The following CNOT4 variants were observed in gnomAD, a reference collection of about 807,000 sequenced individuals.
CNOT4 encodes CCR4-NOT transcription complex subunit 4, also known as CCR4-associated factor 4.
Under a neutral mutation model 73.8 loss-of-function variants are expected in CNOT4, and 8 were observed. The ratio of observed to expected loss-of-function variants is 0.11; its 90% CI spans 0.06 to 0.20. The LOEUF (loss-of-function observed/expected upper bound fraction) is 0.20, where lower values mean the gene tolerates loss of function less well. Among genes scored for constraint, CNOT4 ranks in the 10% least tolerant of loss-of-function variants. The probability of loss-of-function intolerance (pLI) is 1.00; values close to 1 mark genes in which losing one functional copy is unlikely to be tolerated. For synonymous variants in CNOT4, 293 were observed against 321.1 expected, an observed-to-expected ratio of 0.91 and a Z score of 0.94; for missense variants, 564 against 883.4, an observed-to-expected ratio of 0.64 and a Z score of 4.58.
intron 1 of CNOT4, among the ~76,000 whole-genome samples, chr7:135,508,125 G>C (rs1339625792): frequency 6.6e-6 from 1 of 152,170 alleles, no homozygotes; most frequent in African/African-American, 2.4e-5. Context: ...TGCCACATGA[G>C]ACTGTCACTG....
At chr7:135,476,222 T>G (rs994351552) in intron 1 of CNOT4, among the ~76,000 whole-genome samples, 1 of 152,060 alleles carries the variant, frequency 6.6e-6, no homozygotes, top group East Asian at 1.9e-4. Flanking sequence ...TCAACGAAAC[T>G]GGGAGAGAGA....
intron 10 of CNOT4, among the ~76,000 whole-genome samples, chr7:135,392,259 A>G (rs1326251854): frequency 6.6e-6 from 1 of 152,078 alleles, no homozygotes; most frequent in East Asian, 1.9e-4. Flanking sequence ...AGTCTCTTCA[A>G]CTATACTTTA....
chr7:135,367,644 T>C (rs1464279717), intron 10 of CNOT4, among the ~76,000 whole-genome samples: 1 of 152,208 alleles, frequency 6.6e-6, no homozygotes, highest in Non-Finnish European at 1.5e-5. Flanking sequence ...TATTTCTTAC[T>C]GCCAGGAACT....
intron 2 of CNOT4, among the ~76,000 whole-genome samples, chr7:135,423,137 T>C (rs1202280238): frequency 6.6e-6 from 1 of 152,204 alleles, no homozygotes; most frequent in African/African-American, 2.4e-5. Context: ...TTATTACTAC[T>C]AAAAACAAAT....
At chr7:135,458,821 T>C (rs2129486213) in intron 1 of CNOT4, among the ~76,000 whole-genome samples, 1 of 152,124 alleles carries the variant, frequency 6.6e-6, no homozygotes, top group Admixed American at 6.5e-5. Context: ...CTGCAGTTAC[T>C]TCCCACGATG....
intron 1 of CNOT4, among the ~76,000 whole-genome samples, chr7:135,453,799 TA>T (rs936716538): frequency 3.0e-5 from 4 of 134,432 alleles, no homozygotes; most frequent in East Asian, 2.1e-4. Context: ...TTTTTATATA[TA>T]AATATATATA....
chr7:135,372,529 A>G (rs1795266579), intron 10 of CNOT4, among the ~76,000 whole-genome samples: 1 of 151,620 alleles, frequency 6.6e-6, no homozygotes, highest in Admixed American at 6.6e-5. Flanking sequence ...TTTCCCAAAC[A>G]TATAACCCTG....
intron 1 of CNOT4, among the ~76,000 whole-genome samples, chr7:135,487,923 G>A (rs1300281711): frequency 6.6e-6 from 1 of 152,064 alleles, no homozygotes; most frequent in Non-Finnish European, 1.5e-5. Flanking sequence ...CGGGCATGGT[G>A]GCGGGCACCT....
chr7:135,415,182 G>T lies in CNOT4; in HGVS notation c.453C>A (p.Gly151=). The T allele has an allele frequency of 6.3e-7, 1 of 1,587,972 alleles. No homozygotes were observed. The highest frequency in any genetic ancestry group is 8.6e-7 in the Non-Finnish European group (1 of 1,156,924). The change falls in exon 4 of 12, where the codon GGC becomes GGA. Residue 151 remains glycine, a synonymous_variant. Transcript: ENST00000541284. ...VVINNSTSYA[G]SQGPSASAYV... ...AATCCCTAAAATTAGTTACCTGTGA[G>T]CCTGCATATGATGTGCTATTATTGA...
chr7:135,502,871 G>T (rs2129488225), intron 1 of CNOT4, among the ~76,000 whole-genome samples: 1 of 151,284 alleles, frequency 6.6e-6, no homozygotes, highest in South Asian at 2.1e-4. Context: ...TCCTGATTTT[G>T]GCAGGGCACA....
chr7:135,493,857 C>G (rs570825105), intron 1 of CNOT4, among the ~76,000 whole-genome samples: 3 of 152,226 alleles, frequency 2.0e-5, no homozygotes, highest in Non-Finnish European at 2.9e-5. Flanking sequence ...AACTGTAATG[C>G]ACTTGTAAGG....
At chr7:135,460,605 G>T (rs895394640) in intron 1 of CNOT4, among the ~76,000 whole-genome samples, 2 of 152,044 alleles carry the variant, frequency 1.3e-5, no homozygotes, top group Non-Finnish European at 2.9e-5. Flanking sequence ...TAACATCAAA[G>T]ATCACTGACC....
chr7:135,501,999 T>C (rs1412909431), intron 1 of CNOT4, among the ~76,000 whole-genome samples: 2 of 152,176 alleles, frequency 1.3e-5, no homozygotes, highest in Non-Finnish European at 2.9e-5. Flanking sequence ...AGGTTCCTGA[T>C]AAAAAGCAAG....
chr7:135,434,314 G>A (rs572922496), intron 2 of CNOT4, among the ~76,000 whole-genome samples: 5 of 152,308 alleles, frequency 3.3e-5, no homozygotes, highest in African/African-American at 7.2e-5. Context: ...CTTGCGCTGC[G>A]CTGAGCAGAT....
At chr7:135,395,950 G>T in intron 8 of CNOT4, 67 bp from the exon 9 acceptor site, 2 of 1,109,516 alleles carry the variant, frequency 1.8e-6, no homozygotes, top group Admixed American at 3.9e-5. Flanking sequence ...CAATTAAAAA[G>T]TTTGCAACTA....
At chr7:135,384,675 C>T (rs1012655804) in intron 10 of CNOT4, 2 of 765,274 alleles carry the variant, frequency 2.6e-6, no homozygotes, top group Non-Finnish European at 4.8e-6. Flanking sequence ...CTGAATGAGC[C>T]TATCTTCTCT....
rs773493897 is a variant in CNOT4 at position 135,362,984 on chromosome 7, G to C, written c.2043C>G (p.Ser681=). 1.9e-6 allele frequency: 3 copies of C among 1,613,756 alleles called. No individual in the cohort carries two copies. In the South Asian group the frequency reaches 3.3e-5, roughly 18 times the overall value. ...AGCCTGGGGGTGGGGAGTGGAAGCT[G>C]GAAGGGTTTGAAGGAGGAGGGTAGG... is the stretch of plus-strand genomic sequence containing the variant. ...WNPYPPPSNP[S]SFHSPPPGFQ... The change falls in exon 12 of 12, where the codon TCC becomes TCG. Residue 681 remains serine (S), a synonymous_variant. Coordinates refer to ENST00000541284, the MANE Select transcript of CNOT4 (RefSeq NM_001190850.2).
At chr7:135,392,629 T>A (rs990275916) in intron 10 of CNOT4, among the ~76,000 whole-genome samples, 2 of 152,130 alleles carry the variant, frequency 1.3e-5, no homozygotes, top group African/African-American at 4.8e-5. Flanking sequence ...GTCACTCTGG[T>A]TACCTACTAA....
chr7:135,394,159 G>T lies in CNOT4; in HGVS notation c.1386C>A (p.Ala462=). The change falls in exon 10 of 12, where the codon GCC becomes GCA. Residue 462 remains alanine (A), a synonymous_variant. Transcript: ENST00000541284. ...GFLHPAAATN[A]NSLNSTFSVL... Reference sequence around the variant, plus strand: ...CTGAAAAGGTACTATTGAGAGAATTGGCATTTGTAGCTGCAGCAGGATGCA... The same window carrying T: ...CTGAAAAGGTACTATTGAGAGAATTTGCATTTGTAGCTGCAGCAGGATGCA... 1 of 1,614,186 alleles carries T rather than the reference G, an allele frequency of 6.2e-7. No individual in the cohort carries two copies. The highest frequency in any genetic ancestry group is 1.1e-5 in the South Asian group (1 of 91,084).
Sources: gnomAD v4.1 joint callset for allele counts (sites outside exome capture counted in the v4.1 genomes callset) on GRCh38, gnomAD v4.1.1 for gene constraint, MANE v1.5 for transcripts, NCBI Gene and HGNC (gene_info 2026-07-23, HGNC 2026-07-21) for gene names.